Variants in FHOD3 observed in about 807,000 individuals in gnomAD.
The protein encoded by FHOD3 is FH1/FH2 domain-containing protein 3.
Under a neutral mutation model 173.0 loss-of-function variants are expected in FHOD3, and 90 were observed. The ratio of observed to expected loss-of-function variants is 0.52; its 90% confidence interval spans 0.44 to 0.62. The LOEUF (loss-of-function observed/expected upper bound fraction) is 0.62, where lower values mean the gene tolerates loss of function less well. FHOD3 is among the 20% of genes least tolerant of loss of function. FHOD3 has a pLI of 0.00. For synonymous variants in FHOD3, 828 were observed against 823.0 expected (o/e 1.01, Z -0.10); for missense variants, 1,945 against 2,034.7 (o/e 0.96, Z 0.85).
chr18:36,425,640 A>C lies in FHOD3; in HGVS notation c.337+52896A>C, dbSNP rs574194317. Among the ~76,000 whole-genome samples, 6 of 152,308 alleles carry C rather than the reference A, an allele frequency of 3.9e-5. No individual in the cohort carries two copies. The South Asian group carries it at 1.2e-3, about 32-fold the overall frequency. The stretch of plus-strand genomic sequence containing the variant: ...TCCAAAATAATTTAATATAGGAAAA[A>C]TTAAAAAGTGTATAAACATGATGCT... On this transcript the variant is annotated intron_variant, in intron 3 of 28. Transcript: ENST00000590592.
intron 3 of FHOD3, among the ~76,000 whole-genome samples, chr18:36,417,535 T>C (rs923649264): frequency 6.6e-6 from 1 of 152,240 alleles, no homozygotes; most frequent in Non-Finnish European, 1.5e-5. Context: ...AACGTGTGCA[T>C]GTGTCTTTAT....
intron 3 of FHOD3, among the ~76,000 whole-genome samples, chr18:36,459,201 A>G (rs1297041320): frequency 1.3e-5 from 2 of 152,240 alleles, no homozygotes; most frequent in South Asian, 2.1e-4. Flanking sequence ...CCATCATAAG[A>G]AAAAAGACAT....
At chr18:36,647,265 A>G (rs1347209695) in intron 10 of FHOD3, among the ~76,000 whole-genome samples, 3 of 151,758 alleles carry the variant, frequency 2.0e-5, no homozygotes, top group African/African-American at 7.3e-5. Context: ...CTTCAAATAC[A>G]AAAAAAAATT....
At chr18:36,498,490 T>C (rs2054858271) in intron 3 of FHOD3, among the ~76,000 whole-genome samples, 1 of 152,096 alleles carries the variant, frequency 6.6e-6, no homozygotes. Context: ...AAAAGGACAT[T>C]GCTACAGTTA....
At chr18:36,307,106 G>A (rs2092120933) in intron 1 of FHOD3, among the ~76,000 whole-genome samples, 1 of 152,166 alleles carries the variant, frequency 6.6e-6, no homozygotes, top group Non-Finnish European at 1.5e-5. Flanking sequence ...TGGGATTACA[G>A]GCATGCGCCA....
chr18:36,371,439 C>T (rs1020114067), intron 2 of FHOD3, among the ~76,000 whole-genome samples: 2 of 152,186 alleles, frequency 1.3e-5, no homozygotes, highest in African/African-American at 4.8e-5. Flanking sequence ...AGAGTGTGTG[C>T]AGGGGAACTG....
At chr18:36,471,424 C>G (rs1269794211) in intron 3 of FHOD3, among the ~76,000 whole-genome samples, 1 of 152,152 alleles carries the variant, frequency 6.6e-6, no homozygotes, top group African/African-American at 2.4e-5. Context: ...GGATATCACC[C>G]CTTTGTTTTC....
intron 24 of FHOD3, 62 bp downstream of exon 24, chr18:36,747,197 G>T: frequency 7.4e-7 from 1 of 1,344,256 alleles, no homozygotes; most frequent in Non-Finnish European, 1.0e-6. Flanking sequence ...AATTTGTACT[G>T]GAAATTAAGA....
At chr18:36,581,388 G>A (rs529621008) in intron 6 of FHOD3, among the ~76,000 whole-genome samples, 2 of 152,302 alleles carry the variant, frequency 1.3e-5, no homozygotes, top group East Asian at 3.9e-4. Context: ...CAAGGGGAAG[G>A]CCTCAGGGCC....
chr18:36,753,133 C>A (rs1037644226), intron 24 of FHOD3, among the ~76,000 whole-genome samples: 17 of 152,112 alleles, frequency 1.1e-4, no homozygotes, highest in Non-Finnish European at 1.9e-4. Flanking sequence ...GTAGGGAAAA[C>A]ATTCTACACA....
intron 28 of FHOD3, among the ~76,000 whole-genome samples, chr18:36,772,855 T>C (rs2043450152): frequency 6.6e-6 from 1 of 152,216 alleles, no homozygotes; most frequent in South Asian, 2.1e-4. Context: ...CCAGATTCTA[T>C]CCAAGGATCT....
chr18:36,409,160 G>A (rs1378616913), intron 3 of FHOD3, among the ~76,000 whole-genome samples: 2 of 152,076 alleles, frequency 1.3e-5, no homozygotes, highest in African/African-American at 4.8e-5. Flanking sequence ...TGCTAACCAT[G>A]GGAAACCTTC....
chr18:36,695,493 A>G (rs762116238), intron 17 of FHOD3, among the ~76,000 whole-genome samples: 1 of 152,218 alleles, frequency 6.6e-6, no homozygotes, highest in African/African-American at 2.4e-5. Context: ...TTGAATCTGC[A>G]TATAACCAAG....
At chr18:36,409,322 CT>C (rs1359699990) in intron 3 of FHOD3, among the ~76,000 whole-genome samples, 8 of 152,194 alleles carry the variant, frequency 5.3e-5, no homozygotes, top group Non-Finnish European at 1.2e-4. Flanking sequence ...ATAGCACAGT[CT>C]AGGAGTTCGA....
chr18:36,770,380 C>G (rs997864164), intron 28 of FHOD3, among the ~76,000 whole-genome samples: 2 of 152,204 alleles, frequency 1.3e-5, no homozygotes, highest in Non-Finnish European at 2.9e-5. Flanking sequence ...CCTTGAGATT[C>G]ACACAGGAGG....
chr18:36,418,175 C>T (rs1228624408), intron 3 of FHOD3, among the ~76,000 whole-genome samples: 2 of 152,214 alleles, frequency 1.3e-5, no homozygotes, highest in African/African-American at 4.8e-5. Context: ...AATGCTGTGG[C>T]TTCAATCCAT....
intron 10 of FHOD3, among the ~76,000 whole-genome samples, chr18:36,640,978 T>C (rs1331058089): frequency 3.9e-5 from 6 of 152,152 alleles, no homozygotes; most frequent in Non-Finnish European, 2.9e-5. Flanking sequence ...ACCTGTTTGG[T>C]CTTGCCCTCT....
At chr18:36,715,544 CTTCATTCA>C (rs574681269) in intron 18 of FHOD3, among the ~76,000 whole-genome samples, 3 of 152,096 alleles carry the variant, frequency 2.0e-5, no homozygotes, top group African/African-American at 7.2e-5. Context: ...CTGATCATTC[CTTCATTCA>C]TTCATTCAGT....
chr18:36,376,715 A>G (rs1301695894), intron 3 of FHOD3, among the ~76,000 whole-genome samples: 4 of 152,270 alleles, frequency 2.6e-5, no homozygotes, highest in African/African-American at 9.6e-5. Context: ...GTTTCCAGCA[A>G]CAGAAACATC....
Sources: gnomAD v4.1 joint callset for allele counts (sites outside exome capture counted in the v4.1 genomes callset) on GRCh38, gnomAD v4.1.1 for gene constraint, MANE v1.5 for transcripts, NCBI Gene and HGNC (gene_info 2026-07-23, HGNC 2026-07-21) for gene names.